The following NAV3 variants were observed in gnomAD, a reference collection of about 807,000 sequenced individuals.
NAV3 encodes pore membrane and/or filament interacting like protein 1.
NAV3 carries 87 observed loss-of-function variants against 244.7 expected under a neutral mutation model. The observed-to-expected ratio is 0.36, with a 90% CI of 0.30 to 0.42. The LOEUF (loss-of-function observed/expected upper bound fraction) is 0.42. Among genes scored for constraint, NAV3 ranks in the 20% least tolerant of loss-of-function variants. The pLI, the probability that NAV3 is intolerant of heterozygous loss-of-function variation, is 1.00. For synonymous variants in NAV3, 1,126 were observed against 1,042.2 expected, an observed-to-expected ratio of 1.08 and a Z score of -1.55; for missense variants, 2,663 against 2,893.3, an observed-to-expected ratio of 0.92 and a Z score of 1.83.
intron 2 of NAV3, among the ~76,000 whole-genome samples, chr12:77,746,508 C>G (rs1238389321): frequency 6.6e-6 from 1 of 152,006 alleles, no homozygotes; most frequent in Non-Finnish European, 1.5e-5. Context: ...TATGTGTATA[C>G]TATATTACAT....
At chr12:78,038,893 A>C (rs1265747356) in intron 9 of NAV3, among the ~76,000 whole-genome samples, 2 of 152,168 alleles carry the variant, frequency 1.3e-5, no homozygotes, top group Non-Finnish European at 2.9e-5. Context: ...TTACTCAGTT[A>C]AATTATAGCA....
chr12:77,936,434 A>G (rs1035852341), intron 1 of NAV3, among the ~76,000 whole-genome samples: 3 of 152,194 alleles, frequency 2.0e-5, no homozygotes, highest in African/African-American at 7.2e-5. Flanking sequence ...AGATTTCCAG[A>G]GATAAATCGT....
intron 8 of NAV3, among the ~76,000 whole-genome samples, chr12:78,018,067 G>A (rs1248620977): frequency 6.6e-6 from 1 of 152,108 alleles, no homozygotes; most frequent in African/African-American, 2.4e-5. Context: ...CCTTCACCAT[G>A]TTCCTTTCTT....
At chr12:78,094,436 G>GA (rs1954123334) in intron 12 of NAV3, among the ~76,000 whole-genome samples, 3 of 152,138 alleles carry the variant, frequency 2.0e-5, no homozygotes, top group Admixed American at 2.0e-4. Flanking sequence ...TTAATGAGAG[G>GA]AAAGTAATTT....
intron 9 of NAV3, among the ~76,000 whole-genome samples, chr12:78,035,560 G>C (rs1337193434): frequency 1.3e-5 from 2 of 152,028 alleles, no homozygotes; most frequent in African/African-American, 4.8e-5. Flanking sequence ...GCTGTGATAG[G>C]CTTATGAAAT....
At chr12:78,082,658 A>T (rs1419458678) in intron 12 of NAV3, among the ~76,000 whole-genome samples, 1 of 152,202 alleles carries the variant, frequency 6.6e-6, no homozygotes, top group Non-Finnish European at 1.5e-5. Context: ...CCTTTTTAGG[A>T]GAAAAGATTA....
At chr12:77,777,907 G>A (rs1047121944) in intron 2 of NAV3, among the ~76,000 whole-genome samples, 1 of 151,674 alleles carries the variant, frequency 6.6e-6, no homozygotes, top group African/African-American at 2.4e-5. Context: ...CCAGGTTCAA[G>A]CGATTCTCCT....
At chr12:78,133,819 A>G (rs1956264764) in intron 18 of NAV3, among the ~76,000 whole-genome samples, 1 of 152,138 alleles carries the variant, frequency 6.6e-6, no homozygotes. Flanking sequence ...AAATAACCCA[A>G]TCTCTACCCT....
At chr12:78,105,383 T>C (rs1006672637) in intron 12 of NAV3, among the ~76,000 whole-genome samples, 14 of 152,218 alleles carry the variant, frequency 9.2e-5, no homozygotes, top group African/African-American at 2.6e-4. Context: ...ACCAATCATA[T>C]TAGGTTCCTG....
chr12:78,210,620 G>T lies in NAV3; in HGVS notation c.*103G>T. ...GCCAGTATAAAAGCACCCTGTCAAGGGCCCTGACCCAGAGTTGTGGTCTCC... is the reference window on the plus strand; with the variant it reads ...GCCAGTATAAAAGCACCCTGTCAAGTGCCCTGACCCAGAGTTGTGGTCTCC... On this transcript the variant is annotated 3_prime_UTR_variant, in exon 40 of 40. Coordinates refer to ENST00000397909, the MANE Select transcript of NAV3 (RefSeq NM_001024383.2). 7.2e-7 allele frequency: 1 copy of T among 1,381,964 alleles called. No homozygotes were observed. The highest frequency in any genetic ancestry group is 9.8e-7 in the Non-Finnish European group (1 of 1,025,082). The allele number at this position is 1,381,964 out of a possible 1,614,324, so 85.6% of individuals were successfully genotyped here.
chr12:78,110,084 A>C (rs1489438304), intron 12 of NAV3, among the ~76,000 whole-genome samples: 1 of 152,234 alleles, frequency 6.6e-6, no homozygotes, highest in South Asian at 2.1e-4. Context: ...TTGATTAATT[A>C]ATTTAGTAAA....
In NAV3 at chr12:78,006,743, C is replaced by T; in HGVS notation, c.1205C>T (p.Pro402Leu). The change falls in exon 8 of 40, where the codon CCT becomes CTT. Residue 402 changes from proline to leucine, a missense_variant. By Grantham distance (98) the Pro-to-Leu change is moderately conservative. Transcript: ENST00000397909. ...CGGACTGCTTTACGCCCCCCGCAGCCTCCCAGTTCAGGACCTAGTGATGGT... is the reference window on the plus strand; with the variant it reads ...CGGACTGCTTTACGCCCCCCGCAGCTTCCCAGTTCAGGACCTAGTGATGGT... ...NARTALRPPQ[P>L]PSSGPSDGGK... 2 of 1,614,174 alleles carry T rather than the reference C, an allele frequency of 1.2e-6. No homozygotes were observed. The highest frequency in any genetic ancestry group is 1.7e-6 in the Non-Finnish European group (2 of 1,180,048).
chr12:77,851,103 G>A (rs140128836), intron 1 of NAV3, among the ~76,000 whole-genome samples: 51 of 152,218 alleles, frequency 3.4e-4, no homozygotes, highest in African/African-American at 8.9e-4. Flanking sequence ...TATTGGCAAG[G>A]AGCACCCCTG....
At chr12:77,712,141 T>TAACTTTGGTCC (rs1876148727) in intron 2 of NAV3, among the ~76,000 whole-genome samples, 1 of 152,154 alleles carries the variant, frequency 6.6e-6, no homozygotes, top group African/African-American at 2.4e-5. Flanking sequence ...TTATATTGTC[T>TAACTTTGGTCC]AACTTTGGTC....
chr12:77,671,386 A>G (rs1873965663), intron 2 of NAV3, among the ~76,000 whole-genome samples: 1 of 152,104 alleles, frequency 6.6e-6, no homozygotes, highest in Non-Finnish European at 1.5e-5. Context: ...TACCACCATC[A>G]TTCTTTAAGA....
intron 19 of NAV3, among the ~76,000 whole-genome samples, 174 bp downstream of exon 19, chr12:78,137,539 A>C (rs1339293205): frequency 6.6e-6 from 1 of 152,078 alleles, no homozygotes; most frequent in Non-Finnish European, 1.5e-5. Context: ...CTATTTCTTT[A>C]TGTATTTGGA....
At chr12:78,003,822 T>C (rs917526790) in intron 7 of NAV3, among the ~76,000 whole-genome samples, 1 of 152,242 alleles carries the variant, frequency 6.6e-6, no homozygotes, top group African/African-American at 2.4e-5. Flanking sequence ...TGTGAACGAA[T>C]ATCTATTCTC....
At chr12:78,179,792 A>C in intron 29 of NAV3, 110 bp downstream of exon 29, 1 of 1,203,916 alleles carries the variant, frequency 8.3e-7, no homozygotes, top group East Asian at 2.5e-5. Flanking sequence ...CCACCTTAGA[A>C]ATGTACTCTG....
In NAV3 at chr12:78,179,487, T is replaced by G. The variant is rs756755314; in HGVS notation, c.5364-42T>G. On this transcript the variant is annotated intron_variant, in intron 28 of 39. Transcript: ENST00000397909. ...AGAGGCAGTGCTTTTCTTAATCCTC[T>G]GGCTTCCCCAGGCCACTGATTCTGT... 1.7e-5 allele frequency: 28 copies of G among 1,610,940 alleles called. 1 individual carries two copies. The South Asian group carries it at 3.0e-4, about 17-fold the overall frequency.
Sources: allele counts gnomAD v4.1 joint callset (sites outside exome capture counted in the v4.1 genomes callset), GRCh38; gene constraint gnomAD v4.1.1; transcripts MANE v1.5; gene names NCBI Gene and HGNC (gene_info 2026-07-23, HGNC 2026-07-21).